The following CLIP2 variants were observed in gnomAD, a reference collection of about 807,000 sequenced individuals.
CLIP2 encodes the protein CAP-Gly domain-containing linker protein 2.
Under a neutral mutation model 111.7 loss-of-function variants are expected in CLIP2, and 41 were observed. The ratio of observed to expected loss-of-function variants is 0.37; its 90% CI spans 0.29 to 0.48. The LOEUF (loss-of-function observed/expected upper bound fraction) is 0.48, where lower values mean the gene tolerates loss of function less well. Among genes scored for constraint, CLIP2 ranks in the 20% least tolerant of loss-of-function variants. The pLI is 0.99. For missense variants in CLIP2, 1,160 were observed against 1,422.1 expected (o/e 0.82, Z 2.96); for synonymous variants, 660 against 644.2 (o/e 1.02, Z -0.37).
intron 10 of CLIP2, 64 bp from the exon 11 acceptor site, chr7:74,380,742 G>T: frequency 5.7e-6 from 8 of 1,411,938 alleles, no homozygotes; most frequent in Non-Finnish European, 6.8e-6. Context: ...TGCTTGCTGG[G>T]CTGGCTGGGG....
At chr7:74,291,065 T>G (rs2116429621) in intron 1 of CLIP2, among the ~76,000 whole-genome samples, 1 of 152,228 alleles carries the variant, frequency 6.6e-6, no homozygotes, top group Admixed American at 6.5e-5. Flanking sequence ...AAAAGGAGGC[T>G]ATTGGGTTAG....
intron 8 of CLIP2, among the ~76,000 whole-genome samples, chr7:74,365,926 G>A (rs1457892978): frequency 2.6e-5 from 4 of 151,554 alleles, no homozygotes; most frequent in African/African-American, 9.7e-5. Context: ...GCTAATTTTT[G>A]TATTTTTTTT....
At chr7:74,359,304 CTTT>C (rs781818730) in intron 6 of CLIP2, among the ~76,000 whole-genome samples, 2 of 120,342 alleles carry the variant, frequency 1.7e-5, no homozygotes, top group Admixed American at 8.6e-5. Context: ...CTGCAGTAAA[CTTT>C]TTTTTTTTTT....
rs1584355553 is a variant in CLIP2, at chr7:74,356,446, G to A, written c.840G>A (p.Ala280=). Residue 280 remains alanine, a synonymous_variant, in exon 5 of 17, where the codon GCG becomes GCA. Transcript: ENST00000223398. ...GCCCACCCAAGTTTGGTCTCTTCGCGCCCATCCACAAAGTGATCCGTATCG... is the reference window on the plus strand; with the variant it reads ...GCCCACCCAAGTTTGGTCTCTTCGCACCCATCCACAAAGTGATCCGTATCG... ...FQCPPKFGLF[A]PIHKVIRIGF... is the part of the protein sequence containing the mutation. 5.0e-6 allele frequency: 8 copies of A among 1,614,178 alleles called. No individual in the cohort carries two copies. Among genetic ancestry groups the A allele is most frequent in the South Asian group, 1.1e-5 (1 of 91,080 alleles).
intron 1 of CLIP2, among the ~76,000 whole-genome samples, chr7:74,301,839 A>G (rs782812506): frequency 1.3e-5 from 2 of 151,364 alleles, no homozygotes; most frequent in African/African-American, 4.9e-5. Flanking sequence ...CAGCCTCCCA[A>G]GTAGCTAGGA....
chr7:74,364,994 TGTG>T (rs1228398392), intron 8 of CLIP2: 27 of 5,624 alleles, frequency 4.8e-3, no homozygotes, highest in African/African-American at 0.026. Flanking sequence ...TGTTTTTTGT[TGTG>T]TGTGTGTGTG....
chr7:74,397,002 C>G, intron 13 of CLIP2, 72 bp from the exon 14 acceptor site: 1 of 1,559,804 alleles, frequency 6.4e-7, no homozygotes, highest in Non-Finnish European at 8.7e-7. Flanking sequence ...GGACACTTGG[C>G]AAATTGCTAG....
intron 3 of CLIP2, among the ~76,000 whole-genome samples, chr7:74,349,159 A>G (rs533800299): frequency 6.3e-5 from 9 of 143,440 alleles, no homozygotes; most frequent in Admixed American, 1.4e-4. Flanking sequence ...CTGGTCGGGC[A>G]TGGTAGCTTA....
chr7:74,330,574 T>A (rs572264766), intron 2 of CLIP2, among the ~76,000 whole-genome samples: 53 of 152,180 alleles, frequency 3.5e-4, no homozygotes, highest in African/African-American at 1.1e-3. Flanking sequence ...CTTAATTGAT[T>A]CATTTTTTGT....
intron 2 of CLIP2, among the ~76,000 whole-genome samples, chr7:74,332,023 T>C (rs1201015582): frequency 2.0e-5 from 3 of 152,120 alleles, no homozygotes; most frequent in Non-Finnish European, 4.4e-5. Flanking sequence ...GGGGGCACCA[T>C]GTAGATCGGG....
At chr7:74,356,727 C>A in intron 5 of CLIP2, 104 bp downstream of exon 5, 1 of 1,094,926 alleles carries the variant, frequency 9.1e-7, no homozygotes, top group Non-Finnish European at 1.3e-6. Flanking sequence ...ACTCTAGTTC[C>A]AGTTTGGGAT....
rs782606742 is a variant in CLIP2 at position 74,364,280 on chromosome 7, G to A, written c.1345G>A (p.Val449Met). 25 of 1,613,656 alleles carry A rather than the reference G, an allele frequency of 1.5e-5. No homozygotes were observed. The highest frequency in any genetic ancestry group is 2.2e-5 in the South Asian group (2 of 90,930). Residue 449 changes from valine to methionine, a missense_variant, in exon 8 of 17, where the codon GTG (valine) becomes ATG (methionine). Around this residue, in one of 5 missense-constraint regions of CLIP2, gnomAD observed 70 missense variants for 114.9 expected, o/e 0.61. Transcript: ENST00000223398. ...GAAGGTGGAGGATCTGCAGTTCCGC[G>A]TGGAGGAGGAGTCCATCACCAAGGG... The part of the protein sequence containing the change: ...RRKVEDLQFR[V>M]EEESITKGDL...
At chr7:74,392,268 G>A (rs1179938145) in intron 13 of CLIP2, among the ~76,000 whole-genome samples, 2 of 151,666 alleles carry the variant, frequency 1.3e-5, no homozygotes, top group East Asian at 1.9e-4. Context: ...GGAGAATGGC[G>A]TGAACCTAGG....
At chr7:74,290,141 A>G (rs533043258) in intron 1 of CLIP2, among the ~76,000 whole-genome samples, 5 of 152,222 alleles carry the variant, frequency 3.3e-5, no homozygotes, top group Non-Finnish European at 7.3e-5. Context: ...CTGGGCTCAC[A>G]GAGCCTGGGG....
At chr7:74,315,717 C>A (rs1397392757) in intron 1 of CLIP2, among the ~76,000 whole-genome samples, 2 of 151,800 alleles carry the variant, frequency 1.3e-5, no homozygotes, top group Non-Finnish European at 2.9e-5. Context: ...ATTACAGGTG[C>A]CCGCCAACAT....
chr7:74,301,161 T>C (rs1004187176), intron 1 of CLIP2, among the ~76,000 whole-genome samples: 1 of 152,214 alleles, frequency 6.6e-6, no homozygotes, highest in Non-Finnish European at 1.5e-5. Flanking sequence ...GTGATTTTAA[T>C]TTGCATGTTC....
intron 8 of CLIP2, among the ~76,000 whole-genome samples, chr7:74,366,875 C>CA (rs35336151): frequency 0.058 from 3,691 of 63,128 alleles, 64 homozygotes; most frequent in Non-Finnish European, 0.071. Context: ...GACTCCTTCT[C>CA]AAAAAAAAAA....
chr7:74,292,403 T>C (rs66820390), intron 1 of CLIP2, among the ~76,000 whole-genome samples: 35,717 of 152,098 alleles, frequency 0.23, 5,607 homozygotes, highest in African/African-American at 0.45. Flanking sequence ...CTGAGCTTTT[T>C]TGAGACAGCA....
At chr7:74,352,667 G>A (rs1790039354) in intron 3 of CLIP2, among the ~76,000 whole-genome samples, 1 of 150,558 alleles carries the variant, frequency 6.6e-6, no homozygotes, top group South Asian at 2.1e-4. Flanking sequence ...CAGCTACTCA[G>A]GAGGCTGAGG....
Sources: gnomAD v4.1 joint callset for allele counts (sites outside exome capture counted in the v4.1 genomes callset) on GRCh38, gnomAD v4.1.1 for gene constraint, gnomAD v4.1.1 regional missense constraint, MANE v1.5 for transcripts, NCBI Gene and HGNC (gene_info 2026-07-23, HGNC 2026-07-21) for gene names.